Variants in LRRC4C observed in about 807,000 individuals in gnomAD.
LRRC4C encodes the protein leucine rich repeat containing 4C, also known as leucine-rich repeat-containing protein 4C.
A neutral mutation model predicts 33.6 loss-of-function variants in LRRC4C; 5 were observed. The observed-to-expected ratio is 0.15, with a 90% CI of 0.08 to 0.31. The LOEUF is 0.31. Among genes scored for constraint, LRRC4C ranks in the 10% least tolerant of loss-of-function variants. The pLI is 1.00. For synonymous variants in LRRC4C, 329 were observed against 302.0 expected, an observed-to-expected ratio of 1.09 and a Z score of -0.93; for missense variants, 560 against 796.7, an observed-to-expected ratio of 0.70 and a Z score of 3.58.
intron 2 of LRRC4C, among the ~76,000 whole-genome samples, chr11:40,884,238 T>C (rs549151226): frequency 1.3e-4 from 20 of 152,264 alleles, no homozygotes; most frequent in Admixed American, 6.5e-4. Context: ...GCAAAAGACA[T>C]GATCTCATCC....
chr11:40,324,333 T>C (rs1296023319), intron 3 of LRRC4C, among the ~76,000 whole-genome samples: 1 of 152,038 alleles, frequency 6.6e-6, no homozygotes, highest in Non-Finnish European at 1.5e-5. Flanking sequence ...AGGTGAGCAG[T>C]TTTTTTTGTC....
At chr11:40,924,460 C>A (rs931974268) in intron 2 of LRRC4C, among the ~76,000 whole-genome samples, 1 of 150,804 alleles carries the variant, frequency 6.6e-6, no homozygotes, top group African/African-American at 2.4e-5. Flanking sequence ...TGGGCAACAA[C>A]ATAAAGAATC....
chr11:40,747,467 A>G (rs747974249), intron 2 of LRRC4C, among the ~76,000 whole-genome samples: 1 of 152,212 alleles, frequency 6.6e-6, no homozygotes, highest in Non-Finnish European at 1.5e-5. Flanking sequence ...CCAGATGTAT[A>G]TATATAAACA....
At chr11:40,684,802 A>C (rs531507627) in intron 2 of LRRC4C, among the ~76,000 whole-genome samples, 19 of 152,002 alleles carry the variant, frequency 1.2e-4, no homozygotes, top group Admixed American at 3.9e-4. Flanking sequence ...GACAATCAGG[A>C]CTAGAGTACA....
intron 3 of LRRC4C, among the ~76,000 whole-genome samples, chr11:40,581,637 C>T (rs1410869546): frequency 2.0e-5 from 3 of 152,318 alleles, no homozygotes; most frequent in East Asian, 3.9e-4. Context: ...GGAGCGGTGG[C>T]TCATGCCTGT....
At position 41,125,089 on chromosome 11, in the gene LRRC4C, T is replaced by G. The variant is rs77657344; in HGVS notation, c.-495-191366A>C. On this transcript the variant is annotated intron_variant, in intron 1 of 6. Coordinates refer to ENST00000528697, the MANE Select transcript of LRRC4C (RefSeq NM_001258419.2). ...TCAAGGACACAAGGAAAACAACTAT[T>G]ATATAGCCCCACCCAGAATTGCTCC... 5.6e-3 allele frequency among the ~76,000 whole-genome samples: 856 copies of G among 152,260 alleles called. 21 individuals are homozygous for G. Among genetic ancestry groups the G allele is most frequent in the East Asian group, 0.041 (213 of 5,170 alleles).
intron 1 of LRRC4C, among the ~76,000 whole-genome samples, chr11:41,436,870 T>C (rs560701541): frequency 6.6e-6 from 1 of 152,328 alleles, no homozygotes; most frequent in East Asian, 1.9e-4. Flanking sequence ...TTCAATGCCC[T>C]ACATTTAAGA....
At chr11:40,287,148 A>C (rs943723174) in intron 4 of LRRC4C, among the ~76,000 whole-genome samples, 2 of 152,078 alleles carry the variant, frequency 1.3e-5, no homozygotes, top group Non-Finnish European at 2.9e-5. Flanking sequence ...ATTGTACAAA[A>C]TGTCACAATT....
At chr11:40,395,985 C>T (rs1339822053) in intron 3 of LRRC4C, among the ~76,000 whole-genome samples, 1 of 151,908 alleles carries the variant, frequency 6.6e-6, no homozygotes, top group African/African-American at 2.4e-5. Flanking sequence ...GACTCTGTCA[C>T]AAAAAATTTA....
At chr11:40,336,869 C>T (rs979978226) in intron 3 of LRRC4C, among the ~76,000 whole-genome samples, 3 of 146,418 alleles carry the variant, frequency 2.0e-5, no homozygotes, top group Admixed American at 7.0e-5. Context: ...CCCAGCTACT[C>T]GGGAGGCTGA....
At chr11:40,303,548 G>A (rs745500862) in intron 4 of LRRC4C, among the ~76,000 whole-genome samples, 6 of 152,054 alleles carry the variant, frequency 3.9e-5, no homozygotes, top group Admixed American at 6.5e-5. Context: ...ATTTCCACTG[G>A]AGCTATATGA....
intron 3 of LRRC4C, among the ~76,000 whole-genome samples, chr11:40,481,675 G>T (rs1410376919): frequency 6.6e-6 from 1 of 152,048 alleles, no homozygotes; most frequent in African/African-American, 2.4e-5. Context: ...TTTCAGGAGG[G>T]AATGTATCCT....
intron 1 of LRRC4C, among the ~76,000 whole-genome samples, chr11:40,980,504 C>T (rs796954077): frequency 3.9e-5 from 6 of 152,254 alleles, no homozygotes; most frequent in African/African-American, 1.4e-4. Context: ...TATACACCGT[C>T]CGTCCATTTC....
chr11:40,912,905 T>C (rs1430380993), intron 2 of LRRC4C, among the ~76,000 whole-genome samples: 1 of 152,120 alleles, frequency 6.6e-6, no homozygotes, highest in Non-Finnish European at 1.5e-5. Flanking sequence ...TCCTAGTCTC[T>C]GATAAAACAG....
intron 5 of LRRC4C, among the ~76,000 whole-genome samples, chr11:40,194,598 C>T (rs778176346): frequency 3.3e-5 from 5 of 150,342 alleles, no homozygotes; most frequent in Non-Finnish European, 7.4e-5. Flanking sequence ...GTGGGGGGAA[C>T]ATCACACACT....
chr11:40,949,379 C>T (rs1425349024), intron 1 of LRRC4C, among the ~76,000 whole-genome samples: 1 of 151,968 alleles, frequency 6.6e-6, no homozygotes, highest in Non-Finnish European at 1.5e-5. Flanking sequence ...TTAATTAGAT[C>T]CCATTTGTCA....
intron 1 of LRRC4C, among the ~76,000 whole-genome samples, chr11:41,381,913 T>C (rs1953168933): frequency 2.0e-5 from 2 of 98,638 alleles, no homozygotes; most frequent in Admixed American, 1.2e-4. Flanking sequence ...TCAGCAGATA[T>C]ATGTGTTTGT....
intron 2 of LRRC4C, among the ~76,000 whole-genome samples, chr11:40,906,087 A>G (rs1232822612): frequency 1.3e-5 from 2 of 152,234 alleles, no homozygotes; most frequent in African/African-American, 4.8e-5. Context: ...AGCCATCAAC[A>G]TGGAGGCAAA....
intron 3 of LRRC4C, among the ~76,000 whole-genome samples, chr11:40,430,346 G>A (rs1380725917): frequency 1.3e-5 from 2 of 151,936 alleles, no homozygotes; most frequent in African/African-American, 4.8e-5. Flanking sequence ...CAGTATAGAA[G>A]ATTGGTGAAG....
Sources: gnomAD v4.1 joint callset for allele counts (sites outside exome capture counted in the v4.1 genomes callset) on GRCh38, gnomAD v4.1.1 for gene constraint, MANE v1.5 for transcripts, NCBI Gene and HGNC (gene_info 2026-07-23, HGNC 2026-07-21) for gene names.